Variants in ZNF76 observed in about 807,000 individuals in gnomAD.
The protein encoded by ZNF76 is zinc finger protein 76.
A neutral mutation model predicts 66.9 loss-of-function variants in ZNF76; 66 were observed. The observed-to-expected ratio is 0.99, with a 90% CI of 0.81 to 1.21. The LOEUF is 1.21. ZNF76 is among the 50% of genes most tolerant of loss of function. The pLI is 0.00. For missense variants in ZNF76, 729 were observed against 760.3 expected, an observed-to-expected ratio of 0.96 and a Z score of 0.48; for synonymous variants, 275 against 296.1, an observed-to-expected ratio of 0.93 and a Z score of 0.73.
At position 35,292,792 on chromosome 6, in the gene ZNF76, G is replaced by A. The variant is rs1046671232; in HGVS notation, c.1165+5G>A. On this transcript the variant is annotated splice_donor_5th_base_variant and intron_variant, in intron 10 of 13. Transcript: ENST00000373953. The surrounding 1 kb of genome is among the most constrained non-coding windows in gnomAD (Gnocchi z 4.7). Reference sequence around the variant, plus strand: ...ATGAGCAGCAGCAACTTGAGGGTAAGGGGAGTGGGCAGAGGGTGAGAGTGG... The same window carrying A: ...ATGAGCAGCAGCAACTTGAGGGTAAAGGGAGTGGGCAGAGGGTGAGAGTGG... The A allele has an allele frequency of 3.1e-6, 5 of 1,613,964 alleles. No individual in the cohort carries two copies. The African/African-American group carries it at 6.7e-5, about 22-fold the overall frequency.
rs1231751460 is a variant in ZNF76 at position 35,287,610 on chromosome 6, T to C, written c.233-36T>C. On this transcript the variant is annotated intron_variant, in intron 4 of 13. Coordinates refer to ENST00000373953, the MANE Select transcript of ZNF76 (RefSeq NM_003427.5). This position sits in a 1 kb window ranked among gnomAD's most constrained non-coding sequence, Gnocchi z 4.0. ...GGGTCCCAGCTGTATCTCTTCCCCT[T>C]GTGTGGCATCAGGGCTAACCGCGTG... The C allele has an allele frequency of 1.9e-6, 3 of 1,560,700 alleles. 1 individual carries two copies. The highest frequency in any genetic ancestry group is 2.4e-5 in the South Asian group (2 of 83,128).
intron 1 of ZNF76, among the ~76,000 whole-genome samples, chr6:35,268,530 G>A (rs978824495): frequency 2.0e-5 from 3 of 152,122 alleles, no homozygotes; most frequent in South Asian, 2.1e-4. Flanking sequence ...CTGGCCGGGT[G>A]TAGTGGCTCA....
rs1790245758 is a variant in ZNF76, at chr6:35,290,640, G to A, written c.550-1G>A. The stretch of plus-strand genomic sequence containing the variant: ...AATTATGTGATTGCTTGTCCTCACA[G>A]GTGCATGAACGAGCTCATACAGGTG... On this transcript the variant is annotated splice_acceptor_variant, in intron 6 of 13. Coordinates refer to ENST00000373953, the MANE Select transcript of ZNF76 (RefSeq NM_003427.5). LOFTEE classifies it high-confidence loss of function. 4.3e-6 allele frequency: 7 copies of A among 1,614,126 alleles called. No individual in the cohort carries two copies. The highest frequency in any genetic ancestry group is 4.2e-6 in the Non-Finnish European group (5 of 1,179,984).
chr6:35,277,893 T>C (rs1788146704), intron 1 of ZNF76, among the ~76,000 whole-genome samples: 1 of 152,232 alleles, frequency 6.6e-6, no homozygotes, highest in Non-Finnish European at 1.5e-5. Flanking sequence ...GGAGTCTCAC[T>C]CTGTCGCCCA....
chr6:35,293,097 T>C, intron 11 of ZNF76, 53 bp downstream of exon 11: 2 of 1,567,940 alleles, frequency 1.3e-6, no homozygotes, highest in South Asian at 2.4e-5. Context: ...CTCCACTCTC[T>C]CTGGGGACTC....
chr6:35,285,011 A>G (rs918049117), intron 2 of ZNF76, among the ~76,000 whole-genome samples: 18 of 152,202 alleles, frequency 1.2e-4, no homozygotes, highest in African/African-American at 3.4e-4. Flanking sequence ...GAATCTGACC[A>G]TCATTAACTC....
intron 1 of ZNF76, among the ~76,000 whole-genome samples, chr6:35,275,751 T>C (rs563755569): frequency 6.6e-6 from 1 of 152,188 alleles, no homozygotes; most frequent in Non-Finnish European, 1.5e-5. Flanking sequence ...CGCGAGAACA[T>C]GAAAAGGAGT....
intron 1 of ZNF76, among the ~76,000 whole-genome samples, chr6:35,263,441 A>T (rs1455935468): frequency 6.6e-6 from 1 of 152,236 alleles, no homozygotes; most frequent in Non-Finnish European, 1.5e-5. Flanking sequence ...CTGAAGTCTG[A>T]AGAGTCAGTA....
chr6:35,278,134 G>A (rs1788190530), intron 1 of ZNF76, among the ~76,000 whole-genome samples: 1 of 152,044 alleles, frequency 6.6e-6, no homozygotes. Flanking sequence ...GGGATTACAG[G>A]TGTGAGCCAC....
intron 1 of ZNF76, among the ~76,000 whole-genome samples, chr6:35,273,180 C>A (rs1386778622): frequency 3.5e-5 from 5 of 140,934 alleles, no homozygotes; most frequent in South Asian, 2.5e-4. Context: ...AAACAAAAAA[C>A]AAAAAAAAAA....
At position 35,281,137 on chromosome 6, in the gene ZNF76, G is replaced by C; in HGVS notation, c.-15G>C. 1 of 1,613,930 alleles carries C rather than the reference G, an allele frequency of 6.2e-7. No individual in the cohort carries two copies. Among genetic ancestry groups the C allele is most frequent in the Non-Finnish European group, 8.5e-7 (1 of 1,179,948 alleles). ...AAGCCAACTTCATGTCTGAGTGCAC[G>C]AGCAGCAGTTTGCCATGGAGAGCTT... On this transcript the variant is annotated 5_prime_UTR_variant, in exon 2 of 14. Transcript: ENST00000373953.
intron 1 of ZNF76, among the ~76,000 whole-genome samples, chr6:35,270,942 A>T (rs1786962149): frequency 1.3e-5 from 2 of 152,206 alleles, no homozygotes; most frequent in Admixed American, 1.3e-4. Context: ...AGATCACACC[A>T]CTGCACTCCT....
At chr6:35,267,527 T>C (rs1786331817) in intron 1 of ZNF76, among the ~76,000 whole-genome samples, 1 of 152,234 alleles carries the variant, frequency 6.6e-6, no homozygotes, top group Non-Finnish European at 1.5e-5. Context: ...ACTGCTGAGT[T>C]CTACACCAGG....
At position 35,295,212 on chromosome 6, in the gene ZNF76, G is replaced by T; in HGVS notation, c.1677G>T (p.Val559=). The T allele has an allele frequency of 6.2e-7, 1 of 1,610,938 alleles. No individual in the cohort carries two copies. Among genetic ancestry groups the T allele is most frequent in the South Asian group, 1.1e-5 (1 of 90,270 alleles). Residue 559 remains valine, a synonymous_variant, in exon 14 of 14, where the codon GTG becomes GTT. Transcript: ENST00000373953. ...CTGCGGCCATGCAGCAAGGGGCTGTGACCCTGGAGACAACAGTGTCGGAGA... is the reference window on the plus strand; with the variant it reads ...CTGCGGCCATGCAGCAAGGGGCTGTTACCCTGGAGACAACAGTGTCGGAGA... ...VATAAMQQGA[V]TLETTVSESG...
At position 35,264,166 on chromosome 6, in the gene ZNF76, A is replaced by T. The variant is rs988189056; in HGVS notation, c.-97+4325A>T. Among the ~76,000 whole-genome samples, 5 of 152,224 alleles carry T rather than the reference A, an allele frequency of 3.3e-5. No homozygotes were observed. The South Asian group carries it at 6.2e-4, about 19-fold the overall frequency. On this transcript the variant is annotated intron_variant, in intron 1 of 13. Coordinates refer to ENST00000373953, the MANE Select transcript of ZNF76 (RefSeq NM_003427.5). Reference sequence around the variant, plus strand: ...TTCTGCATCAGGTGTACAAAAGTAAAAGCAGTTCATGTCTACATTCATTTT... The same window carrying T: ...TTCTGCATCAGGTGTACAAAAGTAATAGCAGTTCATGTCTACATTCATTTT...
chr6:35,277,396 C>T (rs576994689), intron 1 of ZNF76, among the ~76,000 whole-genome samples: 26 of 152,212 alleles, frequency 1.7e-4, no homozygotes, highest in Non-Finnish European at 3.4e-4. Flanking sequence ...TTCCCTCTCT[C>T]CTGGAAAATG....
intron 5 of ZNF76, chr6:35,288,120 G>A (rs1789857881): frequency 1.6e-6 from 1 of 635,212 alleles, no homozygotes; most frequent in Non-Finnish European, 2.9e-6. Flanking sequence ...AGGGAAAGCT[G>A]CCATAAGAAA....
chr6:35,290,434 G>C, intron 6 of ZNF76, 52 bp downstream of exon 6: 1 of 1,602,052 alleles, frequency 6.2e-7, no homozygotes, highest in East Asian at 2.2e-5. Context: ...CTCCCAGGCT[G>C]TAATTCTACC....
chr6:35,260,538 C>G (rs1413804714), intron 1 of ZNF76, among the ~76,000 whole-genome samples: 2 of 152,172 alleles, frequency 1.3e-5, no homozygotes, highest in Admixed American at 1.3e-4. Context: ...ACATGACTTA[C>G]AAGCGTCCAG....
Sources: gnomAD v4.1 joint callset for allele counts (sites outside exome capture counted in the v4.1 genomes callset) on GRCh38, gnomAD v4.1.1 for gene constraint, Gnocchi (gnomAD v3.1) non-coding constraint, MANE v1.5 for transcripts, NCBI Gene and HGNC (gene_info 2026-07-23, HGNC 2026-07-21) for gene names.